The following HOOK3 variants were observed in gnomAD, a reference collection of about 807,000 sequenced individuals.
HOOK3 encodes hook microtubule tethering protein 3.
In HOOK3, 24 loss-of-function variants were observed where a neutral mutation model predicts 116.3. The ratio of observed to expected loss-of-function variants is 0.21; its 90% CI spans 0.15 to 0.29. The LOEUF is 0.29. Ranked by LOEUF, HOOK3 falls within the 10% of genes least tolerant of loss-of-function variation. HOOK3 has a pLI of 1.00. For synonymous variants in HOOK3, 275 were observed against 283.0 expected (o/e 0.97, Z 0.28); for missense variants, 632 against 830.2 (o/e 0.76, Z 2.93).
rs1470654549 is a variant in HOOK3 at position 43,025,892 on chromosome 8, G to A, written c.*7394G>A. 2 of 209,708 alleles carry A rather than the reference G, an allele frequency of 9.5e-6. No homozygotes were observed. The highest frequency in any genetic ancestry group is 2.3e-5 in the African/African-American group (1 of 43,966). 13.0% of individuals were successfully genotyped at this position (209,708 alleles called of 1,614,324 possible). ...ACATTTTTAAAGTATATTCAACATT[G>A]TGCCATTATTTACCTGATAAAGGTG... On this transcript the variant is annotated 3_prime_UTR_variant, in exon 22 of 22. Transcript: ENST00000307602.
intron 2 of HOOK3, among the ~76,000 whole-genome samples, chr8:42,917,904 AAC>A (rs764380550): frequency 1.3e-5 from 2 of 152,188 alleles, no homozygotes; most frequent in Admixed American, 6.5e-5. Context: ...AGTCAACTCT[AAC>A]ACACATTTAA....
intron 8 of HOOK3, among the ~76,000 whole-genome samples, chr8:42,963,424 CGTTTGGATTGTTTCCAGTT>C (rs1481074150): frequency 1.3e-5 from 2 of 152,150 alleles, no homozygotes; most frequent in Admixed American, 1.3e-4. Context: ...TGTTGGCAAA[CGTTTGGATTGTTTCCAGTT>C]TTCTTCTATT....
chr8:42,916,946 C>T (rs1287724902), intron 2 of HOOK3, among the ~76,000 whole-genome samples: 1 of 152,120 alleles, frequency 6.6e-6, no homozygotes, highest in African/African-American at 2.4e-5. Flanking sequence ...TTTGGGTTGA[C>T]AGTACAGACC....
intron 2 of HOOK3, among the ~76,000 whole-genome samples, chr8:42,924,141 G>A (rs922307309): frequency 6.6e-6 from 1 of 151,564 alleles, no homozygotes; most frequent in Middle Eastern, 3.4e-3. Flanking sequence ...TTTTTGAGGT[G>A]AATAGAGGCA....
chr8:42,923,498 C>T (rs1286941210), intron 2 of HOOK3, among the ~76,000 whole-genome samples: 3 of 152,178 alleles, frequency 2.0e-5, no homozygotes, highest in Non-Finnish European at 4.4e-5. Context: ...AGGAATGAAG[C>T]ACTGATACAT....
chr8:42,900,268 C>G lies in HOOK3; in HGVS notation c.57+3080C>G, dbSNP rs375415105. ...TTCCACTGTGCCTCCTCTCTCCACC[C>G]TCTGAGTCAAAATTTGCCCTGCCAA... On this transcript the variant is annotated intron_variant, in intron 1 of 21. Transcript: ENST00000307602. 7.0e-4 allele frequency among the ~76,000 whole-genome samples: 106 copies of G among 152,290 alleles called. 1 individual carries two copies. The highest frequency in any genetic ancestry group is 3.9e-3 in the South Asian group (19 of 4,822).
In HOOK3 at chr8:42,997,615, A is replaced by G; in HGVS notation, c.1598A>G (p.Asp533Gly). Residue 533 changes from aspartate (D) to glycine (G), a missense_variant, in exon 16 of 22, where the codon GAT (aspartate) becomes GGT (glycine). This residue lies in a region of HOOK3 where 483 missense variants were observed against 648.1 expected (regional missense o/e 0.75). Transcript: ENST00000307602. ...QVEELQKSLQ[D>G]QGSKAEDSVL... ...GAAGAATTACAAAAATCTTTACAGG[A>G]TCAAGGCTCAAAAGCAGAAGATGTA... The G allele has an allele frequency of 6.2e-7, 1 of 1,605,032 alleles. No individual in the cohort carries two copies. Among genetic ancestry groups the G allele is most frequent in the Non-Finnish European group, 8.5e-7 (1 of 1,172,006 alleles).
chr8:42,962,722 T>C (rs1386890781), intron 8 of HOOK3, among the ~76,000 whole-genome samples: 1 of 151,766 alleles, frequency 6.6e-6, no homozygotes, highest in Non-Finnish European at 1.5e-5. Flanking sequence ...GTTTTGAAAA[T>C]TAGATTCTTT....
chr8:42,897,303 G>T, intron 1 of HOOK3, 115 bp downstream of exon 1: 1 of 656,170 alleles, frequency 1.5e-6, no homozygotes, highest in African/African-American at 1.9e-5. Flanking sequence ...CACATCCGGG[G>T]CCTGGGGCGG....
chr8:42,930,232 A>G (rs1807847993), intron 4 of HOOK3, 60 bp downstream of exon 4: 3 of 1,379,514 alleles, frequency 2.2e-6, no homozygotes, highest in Admixed American at 5.7e-5. Flanking sequence ...TAATTTTATA[A>G]TAGTTTCAAG....
chr8:42,990,843 C>A (rs1809146378), intron 15 of HOOK3, among the ~76,000 whole-genome samples: 1 of 152,272 alleles, frequency 6.6e-6, no homozygotes, highest in Middle Eastern at 3.4e-3. Flanking sequence ...CCCATTTGCT[C>A]CTTTTTCCTT....
At chr8:43,006,499 T>C (rs556075081) in intron 17 of HOOK3, among the ~76,000 whole-genome samples, 48 of 151,772 alleles carry the variant, frequency 3.2e-4, no homozygotes, top group African/African-American at 1.1e-3. Context: ...ATTTTTTGTA[T>C]TTTAGTAGAG....
chr8:42,972,093 G>T (rs1808737862), intron 11 of HOOK3, among the ~76,000 whole-genome samples: 1 of 152,022 alleles, frequency 6.6e-6, no homozygotes, highest in Admixed American at 6.5e-5. Flanking sequence ...GTTATTTTTT[G>T]GTTGTTATTG....
At chr8:42,910,478 T>C (rs948311987) in intron 2 of HOOK3, among the ~76,000 whole-genome samples, 5 of 152,224 alleles carry the variant, frequency 3.3e-5, no homozygotes, top group African/African-American at 1.2e-4. Context: ...TACAGAACTT[T>C]CCAGCTCCTC....
intron 15 of HOOK3, among the ~76,000 whole-genome samples, chr8:42,995,050 T>C (rs1289048219): frequency 3.3e-5 from 5 of 152,242 alleles, no homozygotes; most frequent in Non-Finnish European, 5.9e-5. Context: ...TGTCCCCATA[T>C]TGAATGTGGA....
At chr8:42,919,112 C>T (rs1414667768) in intron 2 of HOOK3, among the ~76,000 whole-genome samples, 6 of 151,480 alleles carry the variant, frequency 4.0e-5, no homozygotes, top group African/African-American at 1.2e-4. Flanking sequence ...CCAGACAGGG[C>T]GGCTGCCGGG....
intron 13 of HOOK3, among the ~76,000 whole-genome samples, chr8:42,978,118 A>G (rs763144217): frequency 6.6e-6 from 1 of 152,252 alleles, no homozygotes; most frequent in Non-Finnish European, 1.5e-5. Flanking sequence ...ATGGTCTTAA[A>G]TGCAAAGCAC....
At chr8:42,944,039 T>TAAATTTTA (rs1481322767) in intron 5 of HOOK3, among the ~76,000 whole-genome samples, 2 of 152,208 alleles carry the variant, frequency 1.3e-5, no homozygotes, top group African/African-American at 4.8e-5. Context: ...GATAGTGCCT[T>TAAATTTTA]GACTATCTTT....
intron 2 of HOOK3, among the ~76,000 whole-genome samples, chr8:42,923,111 C>T (rs754414322): frequency 1.3e-5 from 2 of 152,140 alleles, no homozygotes; most frequent in African/African-American, 2.4e-5. Context: ...TGTGAAGATG[C>T]TCAGCATCAT....
Sources: gnomAD v4.1 joint callset for allele counts (sites outside exome capture counted in the v4.1 genomes callset) on GRCh38, gnomAD v4.1.1 for gene constraint, gnomAD v4.1.1 regional missense constraint, MANE v1.5 for transcripts, NCBI Gene and HGNC (gene_info 2026-07-23, HGNC 2026-07-21) for gene names.